TRIM9: variants seen among roughly 807,000 people sequenced by gnomAD.
TRIM9 encodes tripartite motif containing 9.
TRIM9 carries 26 observed loss-of-function variants against 78.3 expected under a neutral mutation model. The observed-to-expected ratio is 0.33, with a 90% CI of 0.24 to 0.46. The LOEUF (loss-of-function observed/expected upper bound fraction) is 0.46. Ranked by LOEUF, TRIM9 falls within the 20% of genes least tolerant of loss-of-function variation. TRIM9 has a pLI of 1.00. For missense variants in TRIM9, 787 were observed against 1,036.4 expected, an observed-to-expected ratio of 0.76 and a Z score of 3.30; for synonymous variants, 398 against 416.5, an observed-to-expected ratio of 0.96 and a Z score of 0.54.
intron 1 of TRIM9, among the ~76,000 whole-genome samples, chr14:51,083,947 T>C (rs941654396): frequency 6.6e-6 from 1 of 152,138 alleles, no homozygotes; most frequent in African/African-American, 2.4e-5. Flanking sequence ...AAAATAATAA[T>C]AGCAATCTCA....
intron 1 of TRIM9, among the ~76,000 whole-genome samples, chr14:51,057,521 A>G (rs11624451): frequency 0.31 from 47,221 of 152,132 alleles, 7,661 homozygotes; most frequent in South Asian, 0.52. Flanking sequence ...AATAAAAGAT[A>G]CTAAATTGAA....
intron 7 of TRIM9, 53 bp from the exon 8 acceptor site, chr14:50,986,197 C>T (rs2139354468): frequency 2.2e-6 from 3 of 1,368,872 alleles, no homozygotes; most frequent in South Asian, 1.9e-5. Flanking sequence ...ATTATGTCCC[C>T]GTGCACGGTT....
At chr14:51,033,494 T>C (rs932779765) in intron 1 of TRIM9, among the ~76,000 whole-genome samples, 1 of 152,252 alleles carries the variant, frequency 6.6e-6, no homozygotes, top group Non-Finnish European at 1.5e-5. Context: ...TCAATTACAA[T>C]TATTCAAACA....
intron 3 of TRIM9, among the ~76,000 whole-genome samples, chr14:51,011,620 A>C (rs1026546063): frequency 6.6e-6 from 1 of 152,240 alleles, no homozygotes; most frequent in African/African-American, 2.4e-5. Flanking sequence ...CCAAAAGAGA[A>C]TCTAATAATA....
At chr14:50,997,252 A>G (rs1848133683) in intron 7 of TRIM9, 1 of 985,322 alleles carries the variant, frequency 1.0e-6, no homozygotes, top group African/African-American at 1.7e-5. Context: ...ATATCTGGCC[A>G]TCAAATTCAA....
intron 1 of TRIM9, among the ~76,000 whole-genome samples, chr14:51,070,616 CT>C (rs1192473883): frequency 4.6e-5 from 7 of 151,576 alleles, no homozygotes; most frequent in Non-Finnish European, 1.0e-4. Context: ...AGCATTATCT[CT>C]GAGTGTCATA....
intron 1 of TRIM9, among the ~76,000 whole-genome samples, chr14:51,038,313 T>C (rs775164904): frequency 9.9e-5 from 15 of 152,206 alleles, no homozygotes; most frequent in Non-Finnish European, 1.9e-4. Context: ...GCCCTGTTTG[T>C]TGGACTTCTG....
chr14:51,016,920 T>C (rs2057273631), intron 3 of TRIM9, among the ~76,000 whole-genome samples: 3 of 152,230 alleles, frequency 2.0e-5, no homozygotes, highest in Admixed American at 1.3e-4. Flanking sequence ...ACTTTTAAGA[T>C]GCAAGTTTGA....
chr14:51,064,001 A>T (rs555948884), intron 1 of TRIM9, among the ~76,000 whole-genome samples: 28 of 152,240 alleles, frequency 1.8e-4, no homozygotes, highest in African/African-American at 6.5e-4. Flanking sequence ...AAGGCATATG[A>T]TTATTAAAGG....
chr14:51,001,496 T>C (rs886291952), intron 5 of TRIM9, among the ~76,000 whole-genome samples: 10 of 152,164 alleles, frequency 6.6e-5, no homozygotes, highest in South Asian at 2.1e-4. Context: ...CCCAAAGTGC[T>C]GGGATTACAG....
Position 51,062,565 on chromosome 14 carries a change from T to C in TRIM9, c.822+31553A>G, listed in dbSNP as rs890205770. ...TCAGGCATAAATGGAAGAAATTATA[T>C]GTAGATCTATGTTTATAGGGGTTAT... On this transcript the variant is annotated intron_variant, in intron 1 of 12. Transcript: ENST00000684578. Among the ~76,000 whole-genome samples the C allele has an allele frequency of 2.0e-5, 3 of 152,192 alleles. No individual in the cohort carries two copies. The East Asian group carries it at 5.8e-4, about 29-fold the overall frequency.
intron 3 of TRIM9, among the ~76,000 whole-genome samples, chr14:51,010,695 T>C (rs1221381461): frequency 6.6e-6 from 1 of 152,104 alleles, no homozygotes; most frequent in African/African-American, 2.4e-5. Context: ...CAAAGGAAAT[T>C]GGTAACAGGA....
intron 1 of TRIM9, among the ~76,000 whole-genome samples, chr14:51,061,404 C>G (rs1364126347): frequency 1.5e-5 from 2 of 137,038 alleles, no homozygotes; most frequent in East Asian, 4.0e-4. Flanking sequence ...CAAAGCAAGA[C>G]TCTGTCTCAA....
At chr14:51,011,156 A>C (rs2056525923) in intron 3 of TRIM9, among the ~76,000 whole-genome samples, 1 of 152,234 alleles carries the variant, frequency 6.6e-6, no homozygotes, top group South Asian at 2.1e-4. Flanking sequence ...CCTCATTTGG[A>C]GAGCAGTTGT....
In TRIM9 at chr14:50,996,875, C is replaced by T. The variant is rs137911230; in HGVS notation, c.1603+1175G>A. On this transcript the variant is annotated intron_variant, in intron 7 of 12. Transcript: ENST00000684578. ...GCATCACTTAGACTGACAACTGCTCCCCAAAGCACTGTTTTCACGGCTAGG... is the reference window on the plus strand; with the variant it reads ...GCATCACTTAGACTGACAACTGCTCTCCAAAGCACTGTTTTCACGGCTAGG... 2,899 of 985,366 alleles carry T rather than the reference C, an allele frequency of 2.9e-3. 6 individuals are homozygous for T. Among genetic ancestry groups the T allele is most frequent in the Non-Finnish European group, 3.3e-3 (2,716 of 829,926 alleles). The allele number at this position is 985,366 out of a possible 1,614,324, so 61.0% of individuals were successfully genotyped here.
intron 1 of TRIM9, among the ~76,000 whole-genome samples, chr14:51,058,835 T>C (rs1479409734): frequency 6.6e-6 from 1 of 152,226 alleles, no homozygotes; most frequent in Non-Finnish European, 1.5e-5. Flanking sequence ...TTATAAGCTT[T>C]TGGAAGAATA....
rs754876198 is a variant in TRIM9, at chr14:50,977,348, C to T, written c.2331G>A (p.Thr777=). The T allele has an allele frequency of 1.7e-5, 26 of 1,543,914 alleles. No individual in the cohort carries two copies. The highest frequency in any genetic ancestry group is 2.8e-5 in the African/African-American group (2 of 71,876). Residue 777 remains threonine (T), a synonymous_variant, in exon 13 of 13, where the codon ACG becomes ACA. Transcript: ENST00000684578. ...CGGGGACTGGGAGCCCGGTGTGCAG[C>T]GTGACCTGGGGAATGAGACTGTGAG... ...AVSLNRNVQV[T]LHTGLPVPDF...
At chr14:50,978,282 C>T (rs934425736) in intron 12 of TRIM9, among the ~76,000 whole-genome samples, 4 of 152,208 alleles carry the variant, frequency 2.6e-5, no homozygotes, top group African/African-American at 9.7e-5. Context: ...CAAGCCTTAT[C>T]TCAAGACAAC....
chr14:51,068,323 T>C (rs1365811383), intron 1 of TRIM9, among the ~76,000 whole-genome samples: 1 of 150,802 alleles, frequency 6.6e-6, no homozygotes, highest in East Asian at 1.9e-4. Flanking sequence ...GTATTTGGTG[T>C]GCACCAAAAA....
Sources: gnomAD v4.1 joint callset for allele counts (sites outside exome capture counted in the v4.1 genomes callset) on GRCh38, gnomAD v4.1.1 for gene constraint, MANE v1.5 for transcripts, NCBI Gene and HGNC (gene_info 2026-07-23, HGNC 2026-07-21) for gene names.